Variants in TERF2 observed in about 807,000 individuals in gnomAD.
TERF2 encodes the protein telomeric repeat binding factor 2.
TERF2 carries 16 observed loss-of-function variants against 56.1 expected under a neutral mutation model. The ratio of observed to expected loss-of-function variants is 0.29; its 90% CI spans 0.19 to 0.43. TERF2 has a LOEUF of 0.43. Ranked by LOEUF, TERF2 falls within the 20% of genes least tolerant of loss-of-function variation. The pLI, the probability that TERF2 is intolerant of heterozygous loss-of-function variation, is 1.00. For synonymous variants in TERF2, 296 were observed against 282.1 expected (o/e 1.05, Z -0.50); for missense variants, 547 against 712.9 (o/e 0.77, Z 2.65).
intron 3 of TERF2, among the ~76,000 whole-genome samples, chr16:69,384,036 T>C (rs2014096402): frequency 6.6e-6 from 1 of 152,240 alleles, no homozygotes; most frequent in Non-Finnish European, 1.5e-5. Context: ...CATTAGCTTT[T>C]TTCTTGAATT....
At chr16:69,361,745 A>AT (rs1313543918) in intron 7 of TERF2, among the ~76,000 whole-genome samples, 2 of 151,726 alleles carry the variant, frequency 1.3e-5, no homozygotes, top group African/African-American at 4.8e-5. Context: ...CCACCCCTCT[A>AT]AAGAATCTGT....
chr16:69,360,369 A>C (rs2142707569), intron 8 of TERF2, among the ~76,000 whole-genome samples: 1 of 151,836 alleles, frequency 6.6e-6, no homozygotes, highest in Non-Finnish European at 1.5e-5. Flanking sequence ...TGGGCAACAA[A>C]GTAAGACTGC....
At chr16:69,375,732 G>C (rs2013755662) in intron 3 of TERF2, among the ~76,000 whole-genome samples, 1 of 152,156 alleles carries the variant, frequency 6.6e-6, no homozygotes, top group South Asian at 2.1e-4. Context: ...TTATAGGCAT[G>C]TGACACCATG....
intron 7 of TERF2, chr16:69,366,031 T>C (rs998648890): frequency 6.6e-6 from 1 of 152,210 alleles, no homozygotes; most frequent in Non-Finnish European, 1.5e-5. Context: ...GAGTGAGGAT[T>C]GTAGTGACTC....
chr16:69,370,415 C>T, intron 5 of TERF2, 68 bp downstream of exon 5: 1 of 1,566,036 alleles, frequency 6.4e-7, no homozygotes, highest in Non-Finnish European at 8.7e-7. Context: ...CTTTTCACTT[C>T]AGATATTCTG....
intron 3 of TERF2, among the ~76,000 whole-genome samples, chr16:69,375,259 T>C (rs1051630277): frequency 8.5e-5 from 13 of 152,172 alleles, no homozygotes; most frequent in Non-Finnish European, 1.9e-4. Context: ...TTCTCTAAGG[T>C]AAATACCCAA....
At chr16:69,383,423 A>C (rs1337778713) in intron 3 of TERF2, among the ~76,000 whole-genome samples, 1 of 152,212 alleles carries the variant, frequency 6.6e-6, no homozygotes, top group Non-Finnish European at 1.5e-5. Flanking sequence ...ATTATTCTAA[A>C]CTGGTACCCA....
intron 7 of TERF2, among the ~76,000 whole-genome samples, 184 bp from the exon 8 acceptor site, chr16:69,361,673 G>A (rs756376302): frequency 6.6e-6 from 1 of 151,970 alleles, no homozygotes; most frequent in South Asian, 2.1e-4. Flanking sequence ...GCATCTCCAC[G>A]TAACACCCCT....
At chr16:69,360,594 G>A (rs556668177) in intron 8 of TERF2, among the ~76,000 whole-genome samples, 45 of 150,432 alleles carry the variant, frequency 3.0e-4, no homozygotes, top group African/African-American at 6.1e-4. Context: ...TGTAGTCCCC[G>A]ATACTCCAGA....
intron 1 of TERF2, 31 bp downstream of exon 1, chr16:69,385,562 T>A: frequency 1.1e-6 from 1 of 930,748 alleles, no homozygotes; most frequent in Non-Finnish European, 1.6e-6. Context: ...TCCCCGGCGC[T>A]CCAACCCCCC....
chr16:69,378,627 C>T (rs2013882088), intron 3 of TERF2, among the ~76,000 whole-genome samples: 1 of 152,038 alleles, frequency 6.6e-6, no homozygotes, highest in Non-Finnish European at 1.5e-5. Context: ...TGGGTGACAC[C>T]AGAGAAGGAA....
intron 3 of TERF2, among the ~76,000 whole-genome samples, chr16:69,379,169 T>C (rs1435704562): frequency 6.6e-6 from 1 of 152,096 alleles, no homozygotes; most frequent in African/African-American, 2.4e-5. Flanking sequence ...AGCACATTTA[T>C]TAACAAAGGA....
In TERF2 at chr16:69,384,459, G is replaced by C. The variant is rs995476528; in HGVS notation, c.606+121C>G. ...ATAACGTCTGTGTGTGTGCTTTCTT[G>C]CTTGCTCAATCTCTCCCCATTGCTG... On this transcript the variant is annotated intron_variant, in intron 3 of 9. Transcript: ENST00000254942. 6 of 1,048,794 alleles carry C rather than the reference G, an allele frequency of 5.7e-6. No individual in the cohort carries two copies. The South Asian group carries it at 1.2e-4, about 21-fold the overall frequency. The allele number at this position is 1,048,794 out of a possible 1,614,324, so 65.0% of individuals were successfully genotyped here.
intron 2 of TERF2, among the ~76,000 whole-genome samples, 171 bp downstream of exon 2, chr16:69,385,220 C>T (rs2014148502): frequency 6.6e-6 from 1 of 151,980 alleles, no homozygotes; most frequent in Non-Finnish European, 1.5e-5. Flanking sequence ...CAACCTTAAC[C>T]GGAGAAAACT....
chr16:69,361,615 G>T, intron 7 of TERF2, 126 bp from the exon 8 acceptor site: 1 of 704,628 alleles, frequency 1.4e-6, no homozygotes, highest in South Asian at 1.7e-5. Context: ...ATCGAGGTTC[G>T]CCTGCATGCA....
chr16:69,357,495 C>G (rs1364404494), intron 9 of TERF2, 23 bp downstream of exon 9: 1 of 1,605,580 alleles, frequency 6.2e-7, no homozygotes, highest in African/African-American at 1.3e-5. Context: ...TAACCAGTAA[C>G]AGAAAAGAGA....
At chr16:69,358,564 G>A (rs576074734) in intron 8 of TERF2, among the ~76,000 whole-genome samples, 13 of 152,298 alleles carry the variant, frequency 8.5e-5, no homozygotes, top group African/African-American at 3.1e-4. Context: ...GTCATATGTT[G>A]CTTAACAATG....
chr16:69,367,252 C>T lies in TERF2; in HGVS notation c.948-53G>A, dbSNP rs537349068. 154 of 1,525,390 alleles carry T rather than the reference C, an allele frequency of 1.0e-4. No homozygotes were observed. In the South Asian group the frequency reaches 1.9e-3, roughly 19 times the overall value. 94.5% of individuals were successfully genotyped at this position (1,525,390 alleles called of 1,614,324 possible). A position where few individuals can be genotyped will look rare whatever the true frequency, so the allele number is the denominator to read the frequency against. Reference sequence around the variant, plus strand: ...GTTTTTCACCACTGATGATGCTCATCCAAACAGCCACAACTTTTTTGAAGT... The same window carrying T: ...GTTTTTCACCACTGATGATGCTCATTCAAACAGCCACAACTTTTTTGAAGT... On this transcript the variant is annotated intron_variant, in intron 6 of 9. Transcript: ENST00000254942.
intron 3 of TERF2, among the ~76,000 whole-genome samples, chr16:69,375,670 C>CA (rs1368339267): frequency 6.6e-6 from 1 of 152,114 alleles, no homozygotes; most frequent in African/African-American, 2.4e-5. Flanking sequence ...AGGCTGAACT[C>CA]AAACTCTTGG....
Sources: gnomAD v4.1 joint callset for allele counts (sites outside exome capture counted in the v4.1 genomes callset) on GRCh38, gnomAD v4.1.1 for gene constraint, MANE v1.5 for transcripts, NCBI Gene and HGNC (gene_info 2026-07-23, HGNC 2026-07-21) for gene names.